GPD2: variants seen among roughly 807,000 people sequenced by gnomAD.
GPD2 encodes the protein glycerol-3-phosphate dehydrogenase, mitochondrial.
A neutral mutation model predicts 82.4 loss-of-function variants in GPD2; 54 were observed. The observed-to-expected ratio is 0.66, with a 90% CI of 0.53 to 0.82. The LOEUF is 0.82. Among genes scored for constraint, GPD2 ranks in the 40% least tolerant of loss-of-function variants. The probability of loss-of-function intolerance (pLI) is 0.00; values close to 1 mark genes in which losing one functional copy is unlikely to be tolerated. For synonymous variants in GPD2, 288 were observed against 306.1 expected (o/e 0.94, Z 0.62); for missense variants, 748 against 896.2 (o/e 0.83, Z 2.11).
At chr2:156,532,190 A>G (rs692187) in intron 6 of GPD2, among the ~76,000 whole-genome samples, 102,196 of 151,862 alleles carry the variant, frequency 0.67, 34,745 homozygotes, top group Middle Eastern at 0.81. Context: ...AACTCTTTGC[A>G]GAGACAAGGC....
chr2:156,456,061 G>A (rs571542972), intron 1 of GPD2, among the ~76,000 whole-genome samples: 2 of 152,290 alleles, frequency 1.3e-5, no homozygotes, highest in African/African-American at 4.8e-5. Context: ...TTCATCCTGT[G>A]TTCTTTTCCT....
At chr2:156,420,232 C>T in the GPD2 span, among the ~76,000 whole-genome samples, 24 of 151,898 alleles carry the variant, frequency 1.6e-4, no homozygotes, top group African/African-American at 5.6e-4. Flanking sequence ...AATGCAGTGG[C>T]GTGATCTCGG....
intron 6 of GPD2, among the ~76,000 whole-genome samples, chr2:156,528,801 G>A (rs543414880): frequency 9.6e-4 from 146 of 152,236 alleles, no homozygotes; most frequent in South Asian, 4.1e-3. Context: ...GTACTCCATG[G>A]TGTATATGTG....
intron 6 of GPD2, among the ~76,000 whole-genome samples, chr2:156,530,465 A>T (rs534620783): frequency 1.3e-5 from 2 of 150,882 alleles, no homozygotes; most frequent in African/African-American, 4.9e-5. Flanking sequence ...TTCCAACACT[A>T]TGTTGAATAG....
At chr2:156,560,069 ACT>A (rs1687112139) in intron 9 of GPD2, among the ~76,000 whole-genome samples, 2 of 152,234 alleles carry the variant, frequency 1.3e-5, no homozygotes, top group Non-Finnish European at 2.9e-5. Context: ...AGAGCAGAGA[ACT>A]CAATGTTGAC....
chr2:156,563,016 T>C (rs1264926486), intron 9 of GPD2, among the ~76,000 whole-genome samples: 3 of 152,180 alleles, frequency 2.0e-5, no homozygotes, highest in East Asian at 3.8e-4. Flanking sequence ...CTTTATTTAA[T>C]AGTAGTTTTT....
rs1384272361 is a variant in GPD2, at chr2:156,514,128, T to G, written c.661+632T>G. Among the ~76,000 whole-genome samples, 3 of 91,830 alleles carry G rather than the reference T, an allele frequency of 3.3e-5. No individual in the cohort carries two copies. In the East Asian group the frequency reaches 1.3e-3, roughly 39 times the overall value. The allele number at this position is 91,830 out of a possible 152,430, so 60.2% of individuals were successfully genotyped here. A position where few individuals can be genotyped will look rare whatever the true frequency, so the allele number is the denominator to read the frequency against. On this transcript the variant is annotated intron_variant, in intron 6 of 16. Coordinates refer to ENST00000438166, the MANE Select transcript of GPD2 (RefSeq NM_000408.5). ...CATTTGCCATGTGTTCAATGTTCATTCTTTTTTTTTTTTTTTGCATGTATG... is the reference window on the plus strand; with the variant it reads ...CATTTGCCATGTGTTCAATGTTCATGCTTTTTTTTTTTTTTTGCATGTATG...
chr2:156,507,484 G>A (rs1026052666), intron 3 of GPD2, among the ~76,000 whole-genome samples: 3 of 151,848 alleles, frequency 2.0e-5, no homozygotes, highest in African/African-American at 4.8e-5. Flanking sequence ...CACTATGCCC[G>A]GCTAATTTTT....
At position 156,565,400 on chromosome 2, in the gene GPD2, C is replaced by T. The variant is rs183596136; in HGVS notation, c.1166-3425C>T. On this transcript the variant is annotated intron_variant, in intron 9 of 16. Transcript: ENST00000438166. ...CAACTTGTTTTGAGGTTTTATATGA[C>T]TGGTAAAATTGTGTAAAGCAGGAAT... 2.0e-4 allele frequency among the ~76,000 whole-genome samples: 31 copies of T among 152,168 alleles called. 1 individual carries two copies. In the East Asian group the frequency reaches 5.8e-3, roughly 28 times the overall value.
chr2:156,526,858 T>C (rs1685628234), intron 6 of GPD2, among the ~76,000 whole-genome samples: 2 of 152,126 alleles, frequency 1.3e-5, no homozygotes, highest in Non-Finnish European at 2.9e-5. Context: ...GCCATAATGA[T>C]TGGTCTTCAG....
chr2:156,450,085 G>A lies in GPD2; in HGVS notation c.-9+13572G>A, dbSNP rs551913085. Among the ~76,000 whole-genome samples, 5 of 152,232 alleles carry A rather than the reference G, an allele frequency of 3.3e-5. No homozygotes were observed. In the South Asian group the frequency reaches 1.0e-3, roughly 32 times the overall value. ...GAGATAGAATTAGTTGGGTGAACTT[G>A]CCTGCTAGATTATTTGGAGGAAAGG... On this transcript the variant is annotated intron_variant, in intron 1 of 16. Transcript: ENST00000438166.
rs573992779 is a variant in GPD2, at chr2:156,451,315, G to A, written c.-9+14802G>A. ...GGGCTGACCCCCCCACCTCCTTTCC[G>A]GACAGGGCGGCTGGCCGGGCGGGGG... On this transcript the variant is annotated intron_variant, in intron 1 of 16. Coordinates refer to ENST00000438166, the MANE Select transcript of GPD2 (RefSeq NM_000408.5). 2.2e-3 allele frequency among the ~76,000 whole-genome samples: 334 copies of A among 148,886 alleles called. 1 individual carries two copies. Among genetic ancestry groups the A allele is most frequent in the Admixed American group, 3.1e-3 (46 of 15,036 alleles).
chr2:156,440,917 C>T (rs1332394278), intron 1 of GPD2, among the ~76,000 whole-genome samples: 1 of 152,102 alleles, frequency 6.6e-6, no homozygotes, highest in Admixed American at 6.5e-5. Context: ...CTTGGTAGAA[C>T]CCTAGATAGC....
Position 156,478,653 on chromosome 2 carries a change from A to G in GPD2, c.102+2446A>G, listed in dbSNP as rs1262494596. On this transcript the variant is annotated intron_variant, in intron 2 of 16. Coordinates refer to ENST00000438166, the MANE Select transcript of GPD2 (RefSeq NM_000408.5). Reference sequence around the variant, plus strand: ...AATAAGAGCCATTCTAGCGGGGGGGAATTTTCCTGACTTCAATAGTCAAAA... The same window carrying G: ...AATAAGAGCCATTCTAGCGGGGGGGGATTTTCCTGACTTCAATAGTCAAAA... Among the ~76,000 whole-genome samples, 6 of 151,770 alleles carry G rather than the reference A, an allele frequency of 4.0e-5. No homozygotes were observed. The East Asian group carries it at 9.6e-4, about 24-fold the overall frequency.
chr2:156,537,458 A>G (rs981208689), intron 6 of GPD2, among the ~76,000 whole-genome samples: 5 of 152,232 alleles, frequency 3.3e-5, no homozygotes, highest in African/African-American at 1.2e-4. Context: ...ATAAAACAGA[A>G]GGAAAAACAT....
rs1326276252 is a variant in GPD2, at chr2:156,557,498, G to A, written c.1081G>A (p.Val361Ile). Residue 361 changes from valine to isoleucine, a missense_variant, in exon 9 of 17, where the codon GTT becomes ATT. Physicochemically the swap from Val to Ile is conservative, Grantham distance 29. Transcript: ENST00000438166. ...TGGCACTACTGATACTCCAACTGATGTTACACACCATCCAATTCCTTCAGA... is the reference window on the plus strand; with the variant it reads ...TGGCACTACTGATACTCCAACTGATATTACACACCATCCAATTCCTTCAGA... Reference protein sequence around the residue: ...IAGTTDTPTDVTHHPIPSEED... With the variant: ...IAGTTDTPTDITHHPIPSEED... 1.3e-6 allele frequency: 2 copies of A among 1,596,580 alleles called. No homozygotes were observed. Among genetic ancestry groups the A allele is most frequent in the East Asian group, 4.5e-5 (2 of 44,782 alleles).
intron 1 of GPD2, among the ~76,000 whole-genome samples, chr2:156,452,128 C>G (rs1230383491): frequency 6.6e-6 from 1 of 151,700 alleles, no homozygotes; most frequent in Non-Finnish European, 1.5e-5. Flanking sequence ...CAGGCAGAGA[C>G]GCTCCTCACT....
At chr2:156,546,307 G>C (rs1393438830) in intron 6 of GPD2, among the ~76,000 whole-genome samples, 1 of 152,160 alleles carries the variant, frequency 6.6e-6, no homozygotes, top group African/African-American at 2.4e-5. Flanking sequence ...TTAGGTGGGG[G>C]TTTGGGATTA....
At chr2:156,401,261 C>T in the GPD2 span, among the ~76,000 whole-genome samples, 3 of 152,198 alleles carry the variant, frequency 2.0e-5, no homozygotes, top group Admixed American at 6.5e-5. Context: ...AAGACACTTA[C>T]ACCCTGGTAA....
Sources: gnomAD v4.1 joint callset for allele counts (sites outside exome capture counted in the v4.1 genomes callset) on GRCh38, gnomAD v4.1.1 for gene constraint, MANE v1.5 for transcripts, NCBI Gene and HGNC (gene_info 2026-07-23, HGNC 2026-07-21) for gene names.